Variants in GAGE1 observed in about 807,000 individuals in gnomAD.
GAGE1 encodes the protein G antigen 4.
A neutral mutation model predicts 5.0 loss-of-function variants in GAGE1; 5 were observed. The observed-to-expected ratio is 1.00, with a 90% CI of 0.52 to 2.11. The LOEUF (loss-of-function observed/expected upper bound fraction) is 2.11. Among genes scored for constraint, GAGE1 ranks in the 30% most tolerant of loss-of-function variants. GAGE1 has a pLI of 0.01. For missense variants in GAGE1, 9 were observed against 38.9 expected (o/e 0.23, Z 2.04); for synonymous variants, 6 against 14.8 (o/e 0.40, Z 1.37).
intron 4 of GAGE1, among the ~76,000 whole-genome samples, chrX:49,604,570 G>T (rs782613059): frequency 0.011 from 1,249 of 111,823 alleles, 12 homozygotes; most frequent in African/African-American, 0.025. Flanking sequence ...TTCCATTCCG[G>T]TTCTTTCATA....
chrX:49,604,803 C>T (rs1477081469), intron 4 of GAGE1, among the ~76,000 whole-genome samples: 1 of 111,673 alleles, frequency 9.0e-6, no homozygotes, highest in African/African-American at 3.3e-5. Context: ...AATTCTCCCT[C>T]TTCTTGGTTT....
chrX:49,604,583 C>G (rs1196188622), intron 4 of GAGE1, among the ~76,000 whole-genome samples: 8 of 112,277 alleles, frequency 7.1e-5, no homozygotes, highest in Non-Finnish European at 1.3e-4. Flanking sequence ...CTTTCATACT[C>G]TGATCCTGTT....
intron 3 of GAGE1, among the ~76,000 whole-genome samples, chrX:49,602,560 T>TCACACACACACACA (rs60317552): frequency 3.2e-3 from 229 of 71,535 alleles, no homozygotes; most frequent in Middle Eastern, 8.5e-3. Context: ...GCCCACACAC[T>TCACACACACACACA]CACACACACA....
intron 4 of GAGE1, chrX:49,604,948 C>T (rs782761147): frequency 6.9e-6 from 4 of 576,982 alleles, no homozygotes; most frequent in South Asian, 4.8e-5. Context: ...GCTGGAACTA[C>T]ATGCACAAGC....
At chrX:49,604,465 G>A (rs1210750768) in intron 4 of GAGE1, among the ~76,000 whole-genome samples, 2 of 112,341 alleles carry the variant, frequency 1.8e-5, no homozygotes, top group Non-Finnish European at 3.8e-5. Context: ...AGCTCTTACA[G>A]CCTTGGTGAG....
intron 3 of GAGE1, among the ~76,000 whole-genome samples, chrX:49,602,104 A>G (rs1480114728): frequency 3.6e-5 from 4 of 110,920 alleles, no homozygotes; most frequent in African/African-American, 1.3e-4. Flanking sequence ...TGAGTCCTGG[A>G]GTTCAAGCCC....
At chrX:49,605,120 A>T (rs782680409) in intron 4 of GAGE1, 4 of 1,007,887 alleles carry the variant, frequency 4.0e-6, no homozygotes, top group Non-Finnish European at 5.2e-6. Context: ...GAGACCGTTT[A>T]GTTCCTATCA....
chrX:49,604,094 C>T (rs1271754283), intron 4 of GAGE1, among the ~76,000 whole-genome samples: 1 of 112,756 alleles, frequency 8.9e-6, no homozygotes, highest in Non-Finnish European at 1.9e-5. Flanking sequence ...CTCAGGTGAT[C>T]CACCTGCCTC....
At chrX:49,602,143 G>A (rs1171997441) in intron 3 of GAGE1, among the ~76,000 whole-genome samples, 2 of 112,323 alleles carry the variant, frequency 1.8e-5, no homozygotes, top group Non-Finnish European at 3.8e-5. Flanking sequence ...AGACCTCATC[G>A]CTAATAAATA....
chrX:49,604,180 T>G (rs1382068917), intron 4 of GAGE1, among the ~76,000 whole-genome samples: 18 of 112,173 alleles, frequency 1.6e-4, no homozygotes, highest in Non-Finnish European at 2.6e-4. Context: ...TAAGAGAGAG[T>G]TAACAATACT....
At chrX:49,604,229 A>T (rs782030024) in intron 4 of GAGE1, among the ~76,000 whole-genome samples, 1 of 112,690 alleles carries the variant, frequency 8.9e-6, no homozygotes, top group Admixed American at 9.4e-5. Flanking sequence ...AGGTTATTTG[A>T]AATGTAGTTC....
In GAGE1 at chrX:49,605,056, C is replaced by G. The variant is rs782568928; in HGVS notation, c.332-937C>G. 2.9e-6 allele frequency: 3 copies of G among 1,022,335 alleles called. No homozygotes were observed. The South Asian group carries it at 5.5e-5, about 19-fold the overall frequency. The allele number at this position is 1,022,335 out of a possible 1,213,427, so 84.3% of individuals were successfully genotyped here. On this transcript the variant is annotated intron_variant, in intron 4 of 4. Transcript: ENST00000381700. ...TTCTCTGGCTTTTAATGAACAATTG[C>G]TTCTTAAATCTTTCCCCACGGAAAC...
rs2066670508 is a variant in GAGE1, at chrX:49,608,435, G to T, written c.*2420G>T. ...ACTCTCCTATAAAACTCCATAACCT[G>T]ACCCCCTCAGTGCGGATATACCTAG... is the stretch of plus-strand genomic sequence containing the variant. On this transcript the variant is annotated 3_prime_UTR_variant, in exon 5 of 5. Transcript: ENST00000381700. 1 of 111,546 alleles carries T rather than the reference G, an allele frequency of 9.0e-6. No homozygotes were observed. Among genetic ancestry groups the T allele is most frequent in the African/African-American group, 3.3e-5 (1 of 30,726 alleles). 9.2% of individuals were successfully genotyped at this position (111,546 alleles called of 1,213,427 possible). A position where few individuals can be genotyped will look rare whatever the true frequency, so the allele number is the denominator to read the frequency against.
Position 49,606,115 on chromosome X carries a change from G to T in GAGE1, c.*100G>T. ...TTACAGCCTTCTGCAAAGAAGTCTT[G>T]TGAATCTTTTGTCAATTTTATTTCT... On this transcript the variant is annotated 3_prime_UTR_variant, in exon 5 of 5. Coordinates refer to ENST00000381700, the MANE Select transcript of GAGE1 (RefSeq NM_001040663.4). 2.0e-6 allele frequency: 1 copy of T among 497,065 alleles called. No individual in the cohort carries two copies. Among genetic ancestry groups the T allele is most frequent in the Non-Finnish European group, 3.0e-6 (1 of 328,034 alleles). 41.0% of individuals were successfully genotyped at this position (497,065 alleles called of 1,213,427 possible).
Position 49,606,312 on chromosome X carries a change from G to T in GAGE1, c.*297G>T. 1 of 159,018 alleles carries T rather than the reference G, an allele frequency of 6.3e-6. No homozygotes were observed. The highest frequency in any genetic ancestry group is 1.2e-5 in the Non-Finnish European group (1 of 82,566). 13.1% of individuals were successfully genotyped at this position (159,018 alleles called of 1,213,427 possible). ...AGGTTTTTTCAGTTTTCAACCTACA[G>T]AATCATATCATTTTTGAATAAGAAC... On this transcript the variant is annotated 3_prime_UTR_variant, in exon 5 of 5. Coordinates refer to ENST00000381700, the MANE Select transcript of GAGE1 (RefSeq NM_001040663.4).
chrX:49,604,927 C>A, intron 4 of GAGE1: 1 of 412,832 alleles, frequency 2.4e-6, no homozygotes, highest in Non-Finnish European at 3.9e-6. Context: ...CCCACCTCAG[C>A]CTCCTGAGTG....
rs1305010371 is a variant in GAGE1, at chrX:49,607,579, G to A, written c.*1564G>A. The A allele has an allele frequency of 1.8e-5, 2 of 110,966 alleles. No individual in the cohort carries two copies. Among genetic ancestry groups the A allele is most frequent in the Non-Finnish European group, 3.8e-5 (2 of 53,025 alleles). 9.1% of individuals were successfully genotyped at this position (110,966 alleles called of 1,213,427 possible). On this transcript the variant is annotated 3_prime_UTR_variant, in exon 5 of 5. Transcript: ENST00000381700. Reference sequence around the variant, plus strand: ...CCTACTTAAACAGCAGTGACCAAACGGGCAGCTCCAGGTACCTATCCCCTC... The same window carrying A: ...CCTACTTAAACAGCAGTGACCAAACAGGCAGCTCCAGGTACCTATCCCCTC...
At chrX:49,604,719 G>T (rs782032277) in intron 4 of GAGE1, among the ~76,000 whole-genome samples, 2 of 112,241 alleles carry the variant, frequency 1.8e-5, no homozygotes, top group Admixed American at 9.4e-5. Flanking sequence ...AAGAAAGTGA[G>T]GGGGCACTCT....
Position 49,605,997 on chromosome X carries a change from A to G in GAGE1, c.336A>G (p.Glu112=). 9.3e-7 allele frequency: 1 copy of G among 1,074,682 alleles called. No homozygotes were observed. Among genetic ancestry groups the G allele is most frequent in the Non-Finnish European group, 1.2e-6 (1 of 822,295 alleles). The allele number at this position is 1,074,682 out of a possible 1,213,427, so 88.6% of individuals were successfully genotyped here. The change falls in exon 5 of 5, where the codon GAA becomes GAG. Residue 112 remains glutamate (E), a synonymous_variant. Transcript: ENST00000381700. ...AACTGTTTTGTTTTGTTTCAGGTGA[A>G]GGGCAATCACAGTGTTAAAAGAAGA... ...PEEVKTPEEG[E]GQSQC is the part of the protein sequence containing the mutation.
Sources: allele counts gnomAD v4.1 joint callset (sites outside exome capture counted in the v4.1 genomes callset), GRCh38; gene constraint gnomAD v4.1.1; transcripts MANE v1.5; gene names NCBI Gene and HGNC (gene_info 2026-07-23, HGNC 2026-07-21).